METAP2: variants seen among roughly 807,000 people sequenced by gnomAD.
METAP2 encodes the protein methionine aminopeptidase 2.
METAP2 carries 25 observed loss-of-function variants against 59.4 expected under a neutral mutation model. That is an observed-to-expected ratio of 0.42 (90% CI 0.31 to 0.59). METAP2 has a LOEUF of 0.59. METAP2 is among the 20% of genes least tolerant of loss of function. The probability of loss-of-function intolerance (pLI) is 0.16; values close to 1 mark genes in which losing one functional copy is unlikely to be tolerated. For synonymous variants in METAP2, 214 were observed against 194.1 expected, an observed-to-expected ratio of 1.10 and a Z score of -0.85; for missense variants, 366 against 581.2, an observed-to-expected ratio of 0.63 and a Z score of 3.81.
At chr12:95,478,799 CCAAA>C (rs1166241714) in intron 2 of METAP2, among the ~76,000 whole-genome samples, 1 of 152,130 alleles carries the variant, frequency 6.6e-6, no homozygotes, top group African/African-American at 2.4e-5. Context: ...TTGAGTAAAA[CCAAA>C]CAAAGGAACT....
intron 8 of METAP2, among the ~76,000 whole-genome samples, chr12:95,505,960 G>A (rs2076355936): frequency 6.6e-6 from 1 of 151,798 alleles, no homozygotes; most frequent in Non-Finnish European, 1.5e-5. Context: ...AGCCAGGCGT[G>A]ATGGCACACA....
At chr12:95,487,397 A>T (rs1482138322) in intron 4 of METAP2, among the ~76,000 whole-genome samples, 1 of 152,038 alleles carries the variant, frequency 6.6e-6, no homozygotes, top group Non-Finnish European at 1.5e-5. Context: ...CCAGTTACGA[A>T]TGTTCTTAGG....
chr12:95,495,849 A>G (rs2076272266), intron 6 of METAP2, among the ~76,000 whole-genome samples, 155 bp from the exon 7 acceptor site: 2 of 152,078 alleles, frequency 1.3e-5, no homozygotes, highest in South Asian at 4.1e-4. Flanking sequence ...TGTCTCTTTG[A>G]TTATGAATGA....
chr12:95,507,540 A>AAG (rs1295051614), intron 8 of METAP2, among the ~76,000 whole-genome samples: 1 of 152,240 alleles, frequency 6.6e-6, no homozygotes, highest in African/African-American at 2.4e-5. Flanking sequence ...TTCTTCAAGG[A>AAG]AGAAATATTC....
intron 2 of METAP2, among the ~76,000 whole-genome samples, chr12:95,477,740 T>C: frequency 6.6e-6 from 1 of 152,182 alleles, no homozygotes; most frequent in Non-Finnish European, 1.5e-5. Flanking sequence ...GTAATTATTG[T>C]GTTAGGGTAA....
intron 3 of METAP2, among the ~76,000 whole-genome samples, chr12:95,485,320 T>C (rs2076188057): frequency 6.6e-6 from 1 of 152,204 alleles, no homozygotes; most frequent in Non-Finnish European, 1.5e-5. Flanking sequence ...CCTTGTCATG[T>C]AATTTATGCA....
chr12:95,501,132 C>A (rs545715827), intron 7 of METAP2, among the ~76,000 whole-genome samples: 4 of 151,724 alleles, frequency 2.6e-5, no homozygotes, highest in Admixed American at 1.3e-4. Context: ...TGCCTCAGCT[C>A]CCAAGTAGCC....
chr12:95,474,599 A>G (rs187378777), intron 1 of METAP2, among the ~76,000 whole-genome samples: 203 of 152,304 alleles, frequency 1.3e-3, no homozygotes, highest in African/African-American at 4.6e-3. Context: ...CCCCTGTATT[A>G]CCAGAACTCA....
intron 7 of METAP2, among the ~76,000 whole-genome samples, 180 bp from the exon 8 acceptor site, chr12:95,503,885 G>A (rs1417558975): frequency 6.6e-6 from 1 of 152,204 alleles, no homozygotes; most frequent in African/African-American, 2.4e-5. Flanking sequence ...TAGGGAGGCA[G>A]ATTCCTGGTG....
chr12:95,485,231 T>G (rs1216581728), intron 3 of METAP2, among the ~76,000 whole-genome samples: 1 of 152,202 alleles, frequency 6.6e-6, no homozygotes, highest in African/African-American at 2.4e-5. Context: ...TCATAGCTAA[T>G]AAGTGGTAAA....
intron 3 of METAP2, among the ~76,000 whole-genome samples, chr12:95,485,091 A>G (rs1161894495): frequency 6.6e-6 from 1 of 152,212 alleles, no homozygotes; most frequent in African/African-American, 2.4e-5. Flanking sequence ...ATTACAGATA[A>G]TTCATAGTTT....
chr12:95,486,667 T>C (rs993303688), intron 4 of METAP2, among the ~76,000 whole-genome samples: 3 of 152,050 alleles, frequency 2.0e-5, no homozygotes, highest in Admixed American at 2.0e-4. Context: ...CTGGCTAATT[T>C]TGTATTTTTA....
chr12:95,512,998 A>T, intron 10 of METAP2, 82 bp downstream of exon 10: 2 of 792,008 alleles, frequency 2.5e-6, no homozygotes, highest in Non-Finnish European at 4.2e-6. Context: ...TGTGGCATAC[A>T]TACAAAATAG....
chr12:95,475,382 G>A (rs2076110540), intron 1 of METAP2, among the ~76,000 whole-genome samples: 1 of 152,180 alleles, frequency 6.6e-6, no homozygotes, highest in Admixed American at 6.6e-5. Context: ...GATTTCGAGT[G>A]AAATTCAAAC....
At position 95,495,041 on chromosome 12, in the gene METAP2, C is replaced by G. The variant is rs1253907367; in HGVS notation, c.675C>G (p.Leu225=). The change falls in exon 6 of 11, where the codon CTC becomes CTG. Residue 225 remains leucine (L), a synonymous_variant. Transcript: ENST00000323666. ...TGGCATTTCCTACTGGATGTTCTCT[C>G]AATAATTGTGCTGCCCATTATACTC... is the stretch of plus-strand genomic sequence containing the variant. ...AGLAFPTGCS[L]NNCAAHYTPN... 6.2e-7 allele frequency: 1 copy of G among 1,613,358 alleles called. No individual in the cohort carries two copies. The highest frequency in any genetic ancestry group is 1.3e-5 in the African/African-American group (1 of 74,896).
chr12:95,495,136 GT>G lies in METAP2; in HGVS notation c.771del (p.Ser257ArgfsTer21). The G allele has an allele frequency of 6.2e-7, 1 of 1,601,618 alleles. No individual in the cohort carries two copies. The highest frequency in any genetic ancestry group is 8.5e-7 in the Non-Finnish European group (1 of 1,172,596). ...AAAATAGACTTTGGAACACATATAA[GT>G]GGTAAATTCTTGCAGAAAATTCCTA... ...ICKIDFGTHI[S>X]GRIIDCAFTV... On this transcript the variant is annotated frameshift_variant and splice_region_variant, in exon 6 of 11. Transcript: ENST00000323666. LOFTEE classifies it high-confidence loss of function.
intron 7 of METAP2, among the ~76,000 whole-genome samples, chr12:95,502,414 C>G (rs529349292): frequency 6.6e-6 from 1 of 152,252 alleles, no homozygotes; most frequent in South Asian, 2.1e-4. Flanking sequence ...TGCCTTCTAG[C>G]CTTCAAAGTT....
chr12:95,511,298 GT>G (rs1356723180), intron 8 of METAP2, among the ~76,000 whole-genome samples: 1 of 146,052 alleles, frequency 6.8e-6, no homozygotes, highest in Non-Finnish European at 1.5e-5. Flanking sequence ...CATTTTATTT[GT>G]TGTTAACAGT....
rs546949060 is a variant in METAP2 at position 95,482,153 on chromosome 12, A to G, written c.260-1062A>G. 339 of 453,070 alleles carry G rather than the reference A, an allele frequency of 7.5e-4. 1 individual carries two copies. Among genetic ancestry groups the G allele is most frequent in the South Asian group, 5.2e-3 (333 of 63,558 alleles). 28.1% of individuals were successfully genotyped at this position (453,070 alleles called of 1,614,324 possible). A position where few individuals can be genotyped will look rare whatever the true frequency, so the allele number is the denominator to read the frequency against. ...ATACAAGATCTCCCTCCCGTCACCC[A>G]GGCTGACGTGCTGTGGCTCGATCTC... On this transcript the variant is annotated intron_variant, in intron 2 of 10. Coordinates refer to ENST00000323666, the MANE Select transcript of METAP2 (RefSeq NM_006838.4).
Sources: allele counts gnomAD v4.1 joint callset (sites outside exome capture counted in the v4.1 genomes callset), GRCh38; gene constraint gnomAD v4.1.1; transcripts MANE v1.5; gene names NCBI Gene and HGNC (gene_info 2026-07-23, HGNC 2026-07-21).